HTR1F: variants seen among roughly 807,000 people sequenced by gnomAD.
HTR1F encodes the protein 5-hydroxytryptamine receptor 1F, also known as 5-hydroxytryptamine (serotonin) receptor 1F, G protein-coupled.
Under a neutral mutation model 24.0 loss-of-function variants are expected in HTR1F, and 17 were observed. The observed-to-expected ratio is 0.71, with a 90% CI of 0.48 to 1.06. The LOEUF (loss-of-function observed/expected upper bound fraction) is 1.06. Among genes scored for constraint, HTR1F ranks in the 50% least tolerant of loss-of-function variants. The probability of loss-of-function intolerance (pLI) is 0.00; values close to 1 mark genes in which losing one functional copy is unlikely to be tolerated. For synonymous variants in HTR1F, 186 were observed against 156.8 expected, an observed-to-expected ratio of 1.19 and a Z score of -1.39; for missense variants, 391 against 427.8, an observed-to-expected ratio of 0.91 and a Z score of 0.76.
At chr3:87,905,767 A>G (rs1439694350) in intron 2 of HTR1F, among the ~76,000 whole-genome samples, 1 of 152,070 alleles carries the variant, frequency 6.6e-6, no homozygotes, top group Non-Finnish European at 1.5e-5. Flanking sequence ...TATCATTCTA[A>G]TCTTTCTTCA....
chr3:87,935,944 GGGTTC>G (rs1704404808), intron 2 of HTR1F, among the ~76,000 whole-genome samples: 1 of 151,994 alleles, frequency 6.6e-6, no homozygotes, highest in Non-Finnish European at 1.5e-5. Context: ...TCCACCTTCT[GGGTTC>G]AAGCGATCCT....
intron 2 of HTR1F, among the ~76,000 whole-genome samples, chr3:87,922,383 T>C (rs894596239): frequency 3.3e-5 from 5 of 151,904 alleles, no homozygotes; most frequent in African/African-American, 1.2e-4. Context: ...TCTTTTGAGT[T>C]GTTTAGGTTT....
At chr3:87,848,885 G>C (rs1414818695) in intron 2 of HTR1F, among the ~76,000 whole-genome samples, 1 of 151,392 alleles carries the variant, frequency 6.6e-6, no homozygotes, top group Non-Finnish European at 1.5e-5. Flanking sequence ...AAATACCTAG[G>C]AATCCAACTT....
intron 2 of HTR1F, among the ~76,000 whole-genome samples, chr3:87,925,286 A>G (rs1704098183): frequency 6.6e-6 from 1 of 152,048 alleles, no homozygotes; most frequent in South Asian, 2.1e-4. Context: ...CTTGGACTCT[A>G]GGGGGCACAT....
At position 87,913,172 on chromosome 3, in the gene HTR1F, T is replaced by A. The variant is rs1356884377; in HGVS notation, c.-42-77536T>A. Reference sequence around the variant, plus strand: ...AGAGAGTCTACAGAATGGATGAAAATTTTTGCACACCATGCATCTGACAAA... The same window carrying A: ...AGAGAGTCTACAGAATGGATGAAAAATTTTGCACACCATGCATCTGACAAA... On this transcript the variant is annotated intron_variant, in intron 2 of 2. Coordinates refer to ENST00000319595, the MANE Select transcript of HTR1F (RefSeq NM_001322209.2). Among the ~76,000 whole-genome samples the A allele has an allele frequency of 7.2e-5, 11 of 151,938 alleles. No individual in the cohort carries two copies. The East Asian group carries it at 1.6e-3, about 21-fold the overall frequency.
intron 2 of HTR1F, among the ~76,000 whole-genome samples, chr3:87,944,027 C>T (rs929851551): frequency 6.6e-6 from 1 of 152,142 alleles, no homozygotes; most frequent in Admixed American, 6.5e-5. Flanking sequence ...TTATTCCTTT[C>T]CAGGGTGCGT....
At position 87,992,739 on chromosome 3, in the gene HTR1F, T is replaced by A. The variant is rs1187957936; in HGVS notation, c.*889T>A. ...ATAAAATGTATTTCATTTCTGTTAA[T>A]AAGCTCAGTTATTAACTAAATTGTC... is the stretch of plus-strand genomic sequence containing the variant. On this transcript the variant is annotated 3_prime_UTR_variant, in exon 3 of 3. Transcript: ENST00000319595. The A allele has an allele frequency of 1.2e-5, 2 of 167,000 alleles. No individual in the cohort carries two copies. Among genetic ancestry groups the A allele is most frequent in the Non-Finnish European group, 2.9e-5 (2 of 68,072 alleles). The allele number at this position is 167,000 out of a possible 1,614,324, so 10.3% of individuals were successfully genotyped here. A position where few individuals can be genotyped will look rare whatever the true frequency, so the allele number is the denominator to read the frequency against.
intron 2 of HTR1F, among the ~76,000 whole-genome samples, chr3:87,880,426 C>G (rs1370901021): frequency 6.6e-6 from 1 of 151,986 alleles, no homozygotes; most frequent in African/African-American, 2.4e-5. Flanking sequence ...TGCCAAAAAT[C>G]TAAATTGAAT....
At chr3:87,891,063 A>G (rs1706071436) in intron 2 of HTR1F, among the ~76,000 whole-genome samples, 1 of 151,326 alleles carries the variant, frequency 6.6e-6, no homozygotes, top group Admixed American at 6.6e-5. Flanking sequence ...CTGGTCTTGA[A>G]CTCCTGACCT....
chr3:87,834,436 CTTT>C (rs199592068), intron 2 of HTR1F, among the ~76,000 whole-genome samples: 4 of 146,772 alleles, frequency 2.7e-5, no homozygotes, highest in Admixed American at 1.4e-4. Flanking sequence ...AGACTTAGTT[CTTT>C]TTTTTTTTCC....
intron 1 of HTR1F, among the ~76,000 whole-genome samples, chr3:87,821,166 A>G (rs1704352799): frequency 6.6e-6 from 1 of 152,218 alleles, no homozygotes; most frequent in South Asian, 2.1e-4. Context: ...ATTAAATTAA[A>G]TACGTTGTTT....
chr3:87,795,232 C>T (rs1040288509), intron 1 of HTR1F, among the ~76,000 whole-genome samples: 1 of 152,146 alleles, frequency 6.6e-6, no homozygotes, highest in Non-Finnish European at 1.5e-5. Flanking sequence ...GATCTGCCCG[C>T]TTTGGCCTTT....
chr3:87,934,376 T>C (rs1254219610), intron 2 of HTR1F, among the ~76,000 whole-genome samples: 1 of 152,166 alleles, frequency 6.6e-6, no homozygotes, highest in East Asian at 1.9e-4. Flanking sequence ...CAACAGTCCA[T>C]ATCTATGACT....
At chr3:87,932,330 G>A (rs1704297379) in intron 2 of HTR1F, among the ~76,000 whole-genome samples, 1 of 152,010 alleles carries the variant, frequency 6.6e-6, no homozygotes, top group Admixed American at 6.6e-5. Context: ...GTTTTTCTCA[G>A]GTTTGTCAAA....
chr3:87,871,254 A>G (rs1468695913), intron 2 of HTR1F, among the ~76,000 whole-genome samples: 1 of 152,086 alleles, frequency 6.6e-6, no homozygotes, highest in African/African-American at 2.4e-5. Context: ...GCTGAAGAAT[A>G]CAACAAATAA....
At chr3:87,817,708 T>C (rs1334692335) in intron 1 of HTR1F, among the ~76,000 whole-genome samples, 1 of 152,198 alleles carries the variant, frequency 6.6e-6, no homozygotes, top group Non-Finnish European at 1.5e-5. Context: ...ATCTTTTAGA[T>C]GCCTTTACTC....
chr3:87,952,411 T>C (rs1253950274), intron 2 of HTR1F, among the ~76,000 whole-genome samples: 1 of 151,984 alleles, frequency 6.6e-6, no homozygotes, highest in Non-Finnish European at 1.5e-5. Flanking sequence ...GATGTTGATA[T>C]GGAAACAGGC....
At chr3:87,979,541 C>T (rs879312531) in intron 2 of HTR1F, among the ~76,000 whole-genome samples, 5 of 152,184 alleles carry the variant, frequency 3.3e-5, no homozygotes, top group Admixed American at 3.3e-4. Flanking sequence ...CACCCTTCCA[C>T]AGATCCTGGA....
At chr3:87,960,911 C>G (rs1705045046) in intron 2 of HTR1F, among the ~76,000 whole-genome samples, 1 of 151,814 alleles carries the variant, frequency 6.6e-6, no homozygotes, top group African/African-American at 2.4e-5. Context: ...ACCTGGAAAT[C>G]AGATGAAAAG....
Sources: allele counts gnomAD v4.1 joint callset (sites outside exome capture counted in the v4.1 genomes callset), GRCh38; gene constraint gnomAD v4.1.1; transcripts MANE v1.5; gene names NCBI Gene and HGNC (gene_info 2026-07-23, HGNC 2026-07-21).